Variants in PPP1R9A observed in about 807,000 individuals in gnomAD.
PPP1R9A encodes the protein protein phosphatase 1 regulatory subunit 9A, also known as neurabin-1.
PPP1R9A carries 59 observed loss-of-function variants against 141.9 expected under a neutral mutation model. That is an observed-to-expected ratio of 0.42 (90% CI 0.34 to 0.52). The LOEUF is 0.52. Ranked by LOEUF, PPP1R9A falls within the 20% of genes least tolerant of loss-of-function variation. The pLI, the probability that PPP1R9A is intolerant of heterozygous loss-of-function variation, is 0.10. For missense variants in PPP1R9A, 1,444 were observed against 1,611.9 expected (o/e 0.90, Z 1.78); for synonymous variants, 500 against 569.7 (o/e 0.88, Z 1.74).
Position 95,200,877 on chromosome 7 carries a change from G to C in PPP1R9A, c.1890+2393G>C, listed in dbSNP as rs867975744. ...TTTTCCCTAGAAATGCAGCAACTGA[G>C]GTTTTTTTCTAGTGGTACATCCAGT... On this transcript the variant is annotated intron_variant, in intron 6 of 19. Transcript: ENST00000433360. 2.0e-5 allele frequency among the ~76,000 whole-genome samples: 3 copies of C among 152,252 alleles called. No individual in the cohort carries two copies. The Middle Eastern group carries it at 0.01, about 518-fold the overall frequency.
intron 2 of PPP1R9A, among the ~76,000 whole-genome samples, chr7:94,945,398 A>G (rs1795788277): frequency 6.6e-6 from 1 of 152,104 alleles, no homozygotes; most frequent in Non-Finnish European, 1.5e-5. Context: ...GAGAAAAAAG[A>G]TTTCATTGGG....
intron 14 of PPP1R9A, among the ~76,000 whole-genome samples, chr7:95,272,219 A>G (rs1802316423): frequency 6.6e-6 from 1 of 152,226 alleles, no homozygotes; most frequent in African/African-American, 2.4e-5. Flanking sequence ...CATTCAGGAA[A>G]TAATTAGGCA....
chr7:94,986,069 G>A (rs1296376057), intron 2 of PPP1R9A, among the ~76,000 whole-genome samples: 1 of 152,100 alleles, frequency 6.6e-6, no homozygotes, highest in Admixed American at 6.6e-5. Flanking sequence ...AGAAAATTTT[G>A]ATGGTTGGGG....
At chr7:95,217,918 C>T (rs539502780) in intron 7 of PPP1R9A, among the ~76,000 whole-genome samples, 1 of 152,240 alleles carries the variant, frequency 6.6e-6, no homozygotes, top group Admixed American at 6.5e-5. Context: ...TTTCAAACAA[C>T]CAGCTCCTGG....
intron 7 of PPP1R9A, among the ~76,000 whole-genome samples, chr7:95,211,408 G>T (rs1272329323): frequency 1.3e-5 from 2 of 152,190 alleles, no homozygotes; most frequent in African/African-American, 4.8e-5. Flanking sequence ...TTGGCTTGAT[G>T]ATGTCTTCAA....
intron 2 of PPP1R9A, among the ~76,000 whole-genome samples, chr7:94,973,263 G>A (rs1375955252): frequency 6.6e-6 from 1 of 152,056 alleles, no homozygotes. Flanking sequence ...TTCTACCTTA[G>A]GTTATAAACT....
rs768711839 is a variant in PPP1R9A at position 95,268,581 on chromosome 7, C to T, written c.2697C>T (p.Arg899=). 9.9e-6 allele frequency: 16 copies of T among 1,613,208 alleles called. No homozygotes were observed. The highest frequency in any genetic ancestry group is 1.4e-5 in the Non-Finnish European group (16 of 1,179,500). The change falls in exon 13 of 20, where the codon CGC becomes CGT. Residue 899 remains arginine, a synonymous_variant. Coordinates refer to ENST00000433360, the MANE Select transcript of PPP1R9A (RefSeq NM_001166160.2). ...DLNEAVPETE[R]LDSKALKTRA... ...ATGAAGCAGTCCCAGAGACAGAGCGCCTGGATTCAAAAGCACTGAAAACTC... is the reference window on the plus strand; with the variant it reads ...ATGAAGCAGTCCCAGAGACAGAGCGTCTGGATTCAAAAGCACTGAAAACTC...
At chr7:95,203,980 C>A (rs1311152278) in intron 7 of PPP1R9A, among the ~76,000 whole-genome samples, 1 of 151,990 alleles carries the variant, frequency 6.6e-6, no homozygotes, top group Non-Finnish European at 1.5e-5. Context: ...TATTTTTAAC[C>A]CCTAACACTT....
intron 2 of PPP1R9A, among the ~76,000 whole-genome samples, chr7:94,968,884 T>C (rs1475823906): frequency 6.6e-6 from 1 of 152,020 alleles, no homozygotes; most frequent in African/African-American, 2.4e-5. Context: ...CTTTATTTCA[T>C]TAAGTTGATC....
intron 4 of PPP1R9A, among the ~76,000 whole-genome samples, chr7:95,123,543 G>C (rs1284216916): frequency 6.6e-6 from 1 of 152,160 alleles, no homozygotes; most frequent in Non-Finnish European, 1.5e-5. Flanking sequence ...CAGCTACCTG[G>C]GAGACTGAGG....
intron 6 of PPP1R9A, among the ~76,000 whole-genome samples, chr7:95,201,105 A>G (rs1242868818): frequency 6.6e-6 from 1 of 152,212 alleles, no homozygotes; most frequent in African/African-American, 2.4e-5. Context: ...TTCTAATAAT[A>G]GGGAAATCAA....
intron 2 of PPP1R9A, among the ~76,000 whole-genome samples, chr7:95,097,847 C>T (rs1163420838): frequency 1.3e-5 from 2 of 152,068 alleles, no homozygotes; most frequent in East Asian, 1.9e-4. Flanking sequence ...AAAGAAGCAC[C>T]GCCAGTAGAA....
chr7:95,036,712 G>A (rs942976653), intron 2 of PPP1R9A: 7 of 152,190 alleles, frequency 4.6e-5, no homozygotes, highest in Non-Finnish European at 7.3e-5. Flanking sequence ...CTTCTGCTTC[G>A]CTTCTGTGTT....
Position 95,189,530 on chromosome 7 carries a change from G to A in PPP1R9A, c.1755-8819G>A, listed in dbSNP as rs372727427. ...CGGCTCACTGCAAGCTCCGCCTCCC[G>A]GGTTCACGCCATTCTCCTGCCTCAG... is the stretch of plus-strand genomic sequence containing the variant. On this transcript the variant is annotated intron_variant, in intron 5 of 19. Coordinates refer to ENST00000433360, the MANE Select transcript of PPP1R9A (RefSeq NM_001166160.2). 7.3e-4 allele frequency among the ~76,000 whole-genome samples: 103 copies of A among 140,758 alleles called. No homozygotes were observed. The East Asian group carries it at 0.012, about 16-fold the overall frequency. 92.3% of individuals were successfully genotyped at this position (140,758 alleles called of 152,430 possible).
chr7:94,928,977 A>G (rs75267872), intron 2 of PPP1R9A, among the ~76,000 whole-genome samples: 2,062 of 152,284 alleles, frequency 0.014, 54 homozygotes, highest in African/African-American at 0.048. Flanking sequence ...GTGGATCATT[A>G]ATTTGCAGAC....
intron 2 of PPP1R9A, among the ~76,000 whole-genome samples, chr7:95,100,209 C>T (rs948377458): frequency 4.6e-5 from 7 of 151,930 alleles, no homozygotes; most frequent in South Asian, 2.1e-4. Context: ...TGTTTGACCC[C>T]GGGAGTTTGA....
intron 2 of PPP1R9A, among the ~76,000 whole-genome samples, chr7:95,048,647 A>G (rs967033933): frequency 7.2e-5 from 11 of 151,886 alleles, no homozygotes; most frequent in Non-Finnish European, 1.5e-5. Context: ...GGTTCAATCT[A>G]TTCTCCTGCC....
At chr7:94,977,785 T>C (rs1799627244) in intron 2 of PPP1R9A, among the ~76,000 whole-genome samples, 1 of 148,846 alleles carries the variant, frequency 6.7e-6, no homozygotes, top group African/African-American at 2.5e-5. Flanking sequence ...TTTTTTGAAA[T>C]GGAATCTTGC....
intron 2 of PPP1R9A, among the ~76,000 whole-genome samples, chr7:94,929,423 T>A (rs1793889821): frequency 1.3e-5 from 2 of 152,094 alleles, no homozygotes; most frequent in African/African-American, 4.8e-5. Context: ...TTCGAAGGTT[T>A]AATAAGTGTT....
Sources: allele counts gnomAD v4.1 joint callset (sites outside exome capture counted in the v4.1 genomes callset), GRCh38; gene constraint gnomAD v4.1.1; transcripts MANE v1.5; gene names NCBI Gene and HGNC (gene_info 2026-07-23, HGNC 2026-07-21).